The following PROM2 variants were observed in gnomAD, a reference collection of about 807,000 sequenced individuals.
PROM2 encodes prominin 2, also known as prominin-2.
A neutral mutation model predicts 110.2 loss-of-function variants in PROM2; 90 were observed. The ratio of observed to expected loss-of-function variants is 0.82; its 90% CI spans 0.69 to 0.97. The LOEUF (loss-of-function observed/expected upper bound fraction) is 0.97, where lower values mean the gene tolerates loss of function less well. Among genes scored for constraint, PROM2 ranks in the 50% least tolerant of loss-of-function variants. The pLI, the probability that PROM2 is intolerant of heterozygous loss-of-function variation, is 0.00. For synonymous variants in PROM2, 470 were observed against 467.8 expected (o/e 1.00, Z -0.06); for missense variants, 1,009 against 1,074.8 (o/e 0.94, Z 0.86).
rs773252038 is a variant in PROM2, at chr2:95,285,043, C to T, written c.1803C>T (p.Ala601=). ...DTQSLDLLSS[A]ARRDLEALQS... is the part of the protein sequence containing the mutation. ...AGAGCCTGGACCTGCTGAGCTCAGC[C>T]GCCCGCCGGGACCTGGAGGCCCTGC... is the stretch of plus-strand genomic sequence containing the variant. Residue 601 remains alanine (A), a synonymous_variant, in exon 15 of 24, where the codon GCC becomes GCT. Coordinates refer to ENST00000317620, the MANE Select transcript of PROM2 (RefSeq NM_001165978.3). 4.4e-5 allele frequency: 71 copies of T among 1,596,534 alleles called. 2 individuals are homozygous for T. Among genetic ancestry groups the T allele is most frequent in the South Asian group, 3.4e-4 (30 of 88,462 alleles).
In PROM2 at chr2:95,276,073, G is replaced by A. The variant is rs368529760; in HGVS notation, c.438G>A (p.Ala146=). 46 of 1,611,048 alleles carry A rather than the reference G, an allele frequency of 2.9e-5. No homozygotes were observed. Among genetic ancestry groups the A allele is most frequent in the Non-Finnish European group, 3.6e-5 (42 of 1,179,872 alleles). The change falls in exon 3 of 24, where the codon GCG becomes GCA. Residue 146 remains alanine (A), a synonymous_variant. Transcript: ENST00000317620. This position sits in a 1 kb window ranked among gnomAD's most constrained non-coding sequence, Gnocchi z 4.6. ...GACGAGTGAAGACAGAGCACAAGGCGCTGGCCTGTGAGCGCGCGGCCCTCA... is the reference window on the plus strand; with the variant it reads ...GACGAGTGAAGACAGAGCACAAGGCACTGGCCTGTGAGCGCGCGGCCCTCA... ...CGGRVKTEHK[A]LACERAALMV...
chr2:95,275,410 G>A lies in PROM2; in HGVS notation c.245-51G>A. 2 of 1,552,046 alleles carry A rather than the reference G, an allele frequency of 1.3e-6. No homozygotes were observed. The highest frequency in any genetic ancestry group is 1.8e-6 in the Non-Finnish European group (2 of 1,139,312). On this transcript the variant is annotated intron_variant, in intron 1 of 23. Coordinates refer to ENST00000317620, the MANE Select transcript of PROM2 (RefSeq NM_001165978.3). This position sits in a 1 kb window ranked among gnomAD's most constrained non-coding sequence, Gnocchi z 4.4. ...TGGCAGTGGGGAGAGGAGGGACACAGGGGCAGGGCAGTGGCTGTCCCCAAA... is the reference window on the plus strand; with the variant it reads ...TGGCAGTGGGGAGAGGAGGGACACAAGGGCAGGGCAGTGGCTGTCCCCAAA...
At position 95,275,383 on chromosome 2, in the gene PROM2, C is replaced by A; in HGVS notation, c.245-78C>A. The A allele has an allele frequency of 7.0e-7, 1 of 1,422,392 alleles. No homozygotes were observed. Among genetic ancestry groups the A allele is most frequent in the South Asian group, 1.3e-5 (1 of 75,768 alleles). 88.1% of individuals were successfully genotyped at this position (1,422,392 alleles called of 1,614,324 possible). A position where few individuals can be genotyped will look rare whatever the true frequency, so the allele number is the denominator to read the frequency against. Reference sequence around the variant, plus strand: ...GAGCCCTGCCTCAGAGCCACTTTGCCCTGGCAGTGGGGAGAGGAGGGACAC... The same window carrying A: ...GAGCCCTGCCTCAGAGCCACTTTGCACTGGCAGTGGGGAGAGGAGGGACAC... On this transcript the variant is annotated intron_variant, in intron 1 of 23. Transcript: ENST00000317620. The surrounding 1 kb of genome is among the most constrained non-coding windows in gnomAD (Gnocchi z 4.4).
rs1359256206 is a variant in PROM2 at position 95,287,129 on chromosome 2, C to G, written c.2095-4C>G. 1.2e-5 allele frequency: 19 copies of G among 1,613,654 alleles called. No homozygotes were observed. Among genetic ancestry groups the G allele is most frequent in the South Asian group, 3.3e-5 (3 of 91,048 alleles). ...CACTGAGTTGAGGCTCTCGTCCCCT[C>G]CAGCTGGAGACCTCAGATGTCCTAG... On this transcript the variant is annotated splice_polypyrimidine_tract_variant and splice_region_variant and intron_variant, in intron 18 of 23. Transcript: ENST00000317620.
chr2:95,285,581 G>T, intron 15 of PROM2, 58 bp from the exon 16 acceptor site: 1 of 1,438,900 alleles, frequency 6.9e-7, no homozygotes, highest in Non-Finnish European at 9.6e-7. Flanking sequence ...GGATCAGGTG[G>T]TGGTGGGCCC....
At chr2:95,277,128 G>A (rs974289788) in intron 6 of PROM2, 67 bp downstream of exon 6, 14 of 1,393,066 alleles carry the variant, frequency 1.0e-5, no homozygotes, top group Middle Eastern at 2.2e-4. Flanking sequence ...GATCCCACCT[G>A]CACCTAGCCC....
intron 8 of PROM2, 116 bp downstream of exon 8, chr2:95,278,120 C>A: frequency 1.2e-6 from 1 of 823,620 alleles, no homozygotes; most frequent in Non-Finnish European, 2.0e-6. Flanking sequence ...ACCCACCACA[C>A]AGCACCCTGG....
In PROM2 at chr2:95,282,133, C is replaced by T; in HGVS notation, c.1644-9C>T. The T allele has an allele frequency of 6.2e-7, 1 of 1,613,038 alleles. No homozygotes were observed. Among genetic ancestry groups the T allele is most frequent in the Non-Finnish European group, 8.5e-7 (1 of 1,179,214 alleles). ...AGGCTCATCGTCTGCACCCCTCACT[C>T]CTCCTCAGGCAGTGCAAGGAAGGGG... On this transcript the variant is annotated splice_polypyrimidine_tract_variant and intron_variant, in intron 13 of 23. Transcript: ENST00000317620.
Position 95,276,751 on chromosome 2 carries a change from AC to A in PROM2, c.682+99del. ...GGCCTCTCACTCCCTCATTCTGGAC[AC>A]CCCCGGGAACAGGCTGGTAGAGGTG... On this transcript the variant is annotated intron_variant, in intron 5 of 23. Transcript: ENST00000317620. The surrounding 1 kb of genome is among the most constrained non-coding windows in gnomAD (Gnocchi z 4.6). 1 of 1,383,638 alleles carries A rather than the reference AC, an allele frequency of 7.2e-7. No individual in the cohort carries two copies. Among genetic ancestry groups the A allele is most frequent in the Non-Finnish European group, 1.0e-6 (1 of 986,550 alleles). 85.7% of individuals were successfully genotyped at this position (1,383,638 alleles called of 1,614,324 possible).
rs761487428 is a variant in PROM2 at position 95,275,845 on chromosome 2, CT to C, written c.295-83del. ...CATGCCCCTGACGGCACTCCCGCCC[CT>C]TCTGGTTTCCCTCTGGACTCAGGCA... On this transcript the variant is annotated intron_variant, in intron 2 of 23. Transcript: ENST00000317620. This position sits in a 1 kb window ranked among gnomAD's most constrained non-coding sequence, Gnocchi z 4.4. 1.6e-5 allele frequency: 25 copies of C among 1,539,696 alleles called. No individual in the cohort carries two copies. The highest frequency in any genetic ancestry group is 2.1e-5 in the Non-Finnish European group (24 of 1,146,298).
chr2:95,280,100 A>C, intron 11 of PROM2, 103 bp downstream of exon 11: 3 of 1,157,570 alleles, frequency 2.6e-6, no homozygotes, highest in Non-Finnish European at 2.2e-6. Context: ...TGTCAGTGTC[A>C]TCATCTGAAT....
chr2:95,281,522 C>T (rs1372320628), intron 12 of PROM2, among the ~76,000 whole-genome samples, 157 bp downstream of exon 12: 3 of 152,094 alleles, frequency 2.0e-5, no homozygotes, highest in South Asian at 2.1e-4. Context: ...GACAGAAACC[C>T]GCCAGTGGAT....
intron 11 of PROM2, 56 bp from the exon 12 acceptor site, chr2:95,281,186 A>G: frequency 1.3e-6 from 2 of 1,587,010 alleles, no homozygotes; most frequent in Non-Finnish European, 1.7e-6. Context: ...GACAGAGGGT[A>G]TGGTCAGGGC....
At chr2:95,282,039 G>T (rs1284514134) in intron 13 of PROM2, 23 bp downstream of exon 13, 1 of 1,613,170 alleles carries the variant, frequency 6.2e-7, no homozygotes, top group Non-Finnish European at 8.5e-7. Context: ...CCTGGGCAGA[G>T]CTGGGACCGG....
chr2:95,284,107 AG>A (rs1347815815), intron 14 of PROM2, among the ~76,000 whole-genome samples: 3 of 152,200 alleles, frequency 2.0e-5, no homozygotes, highest in African/African-American at 7.2e-5. Flanking sequence ...CATTTGGGGC[AG>A]GGGCCTACTG....
Position 95,276,186 on chromosome 2 carries a change from C to T in PROM2, c.498-41C>T, listed in dbSNP as rs1179818811. 1 of 1,613,326 alleles carries T rather than the reference C, an allele frequency of 6.2e-7. No individual in the cohort carries two copies. The highest frequency in any genetic ancestry group is 8.5e-7 in the Non-Finnish European group (1 of 1,179,726). ...GCGGGCTGTGGCCCCCAGGCTCCCT[C>T]TTACCCAGCAAGCACCTTCCTCCTC... is the stretch of plus-strand genomic sequence containing the variant. On this transcript the variant is annotated intron_variant, in intron 3 of 23. Transcript: ENST00000317620. This position sits in a 1 kb window ranked among gnomAD's most constrained non-coding sequence, Gnocchi z 4.6.
chr2:95,284,848 A>C, intron 14 of PROM2, 121 bp from the exon 15 acceptor site: 1 of 1,171,254 alleles, frequency 8.5e-7, no homozygotes, highest in Non-Finnish European at 1.2e-6. Context: ...TTGCAACATG[A>C]AATTTGGAGG....
intron 15 of PROM2, 36 bp downstream of exon 15, chr2:95,285,151 A>G (rs1310859745): frequency 6.6e-7 from 1 of 1,513,880 alleles, no homozygotes; most frequent in African/African-American, 1.4e-5. Context: ...CTTCCTCAGC[A>G]GGTGGTGATG....
rs1486956370 is a variant in PROM2, at chr2:95,287,418, G to A, written c.2198G>A (p.Arg733Gln). 3.1e-6 allele frequency: 5 copies of A among 1,613,962 alleles called. No homozygotes were observed. Among genetic ancestry groups the A allele is most frequent in the Non-Finnish European group, 4.2e-6 (5 of 1,180,014 alleles). ...CAGGTGAGTGAGTGTTTCCTGGCCC[G>A]GGAGATGGGCTACTTCTCCCAGTAC... ...LRNVSECFLAREMGYFSQYVA... is the reference protein window; with the variant it reads ...LRNVSECFLAQEMGYFSQYVA... The change falls in exon 20 of 24, where the codon CGG becomes CAG. Residue 733 changes from arginine (R) to glutamine (Q), a missense_variant. By Grantham distance (43) the Arg-to-Gln change is conservative. Coordinates refer to ENST00000317620, the MANE Select transcript of PROM2 (RefSeq NM_001165978.3).
Sources: gnomAD v4.1 joint callset for allele counts (sites outside exome capture counted in the v4.1 genomes callset) on GRCh38, gnomAD v4.1.1 for gene constraint, Gnocchi (gnomAD v3.1) non-coding constraint, MANE v1.5 for transcripts, NCBI Gene and HGNC (gene_info 2026-07-23, HGNC 2026-07-21) for gene names.